Variants in LIPK observed in about 807,000 individuals in gnomAD.
The protein encoded by LIPK is lipase member K.
In LIPK, 32 loss-of-function variants were observed where a neutral mutation model predicts 48.6. The observed-to-expected ratio is 0.66, with a 90% CI of 0.50 to 0.88. The LOEUF is 0.88. Ranked by LOEUF, LIPK falls within the 40% of genes least tolerant of loss-of-function variation. LIPK has a pLI of 0.00. For synonymous variants in LIPK, 164 were observed against 157.4 expected (o/e 1.04, Z -0.32); for missense variants, 507 against 478.5 (o/e 1.06, Z -0.56).
intron 1 of LIPK, among the ~76,000 whole-genome samples, chr10:88,708,022 A>G (rs1381327191): frequency 6.6e-6 from 1 of 152,142 alleles, no homozygotes; most frequent in Non-Finnish European, 1.5e-5. Context: ...TAAAAAGGAA[A>G]AATGTGGCAG....
intron 9 of LIPK, among the ~76,000 whole-genome samples, chr10:88,746,040 TA>T (rs1237657646): frequency 5.9e-5 from 9 of 152,238 alleles, no homozygotes; most frequent in African/African-American, 2.2e-4. Flanking sequence ...AGAAGGACAT[TA>T]AATAAAGATA....
At chr10:88,737,599 C>A (rs1012427758) in intron 6 of LIPK, 36 bp from the exon 7 acceptor site, 9 of 1,608,060 alleles carry the variant, frequency 5.6e-6, no homozygotes, top group Non-Finnish European at 7.7e-6. Context: ...ATATCCACGC[C>A]TGTAAGATTT....
chr10:88,721,743 T>C (rs1842229042), intron 1 of LIPK, among the ~76,000 whole-genome samples: 2 of 152,198 alleles, frequency 1.3e-5, no homozygotes, highest in Admixed American at 1.3e-4. Flanking sequence ...CCAGGTTTAC[T>C]TACTGGTGAT....
At chr10:88,748,616 CAAAAA>C (rs56692405) in intron 9 of LIPK, among the ~76,000 whole-genome samples, 101 of 106,584 alleles carry the variant, frequency 9.5e-4, no homozygotes, top group East Asian at 2.7e-3. Flanking sequence ...GACTCCGTCT[CAAAAA>C]AAAAAAAAAA....
At chr10:88,719,711 G>A (rs1006076730) in intron 1 of LIPK, among the ~76,000 whole-genome samples, 5 of 152,148 alleles carry the variant, frequency 3.3e-5, no homozygotes, top group African/African-American at 1.2e-4. Context: ...TACGAATACA[G>A]TGAAGAATTA....
chr10:88,707,227 G>T (rs920700446), intron 1 of LIPK, among the ~76,000 whole-genome samples: 1 of 151,992 alleles, frequency 6.6e-6, no homozygotes, highest in Non-Finnish European at 1.5e-5. Context: ...GGCATACTTA[G>T]CACTTCAGGC....
intron 6 of LIPK, among the ~76,000 whole-genome samples, chr10:88,734,725 GATT>G (rs1368867128): frequency 6.6e-6 from 1 of 152,130 alleles, no homozygotes; most frequent in East Asian, 1.9e-4. Flanking sequence ...TGAGAAGAAT[GATT>G]ATGGGGTTAT....
chr10:88,739,948 G>T (rs772027748), intron 7 of LIPK, 48 bp from the exon 8 acceptor site: 45 of 1,125,452 alleles, frequency 4.0e-5, no homozygotes, highest in Middle Eastern at 3.9e-4. Context: ...GTTTACTTGT[G>T]GTATGATGAT....
chr10:88,750,017 A>T (rs1197581228), intron 9 of LIPK, among the ~76,000 whole-genome samples: 1 of 152,242 alleles, frequency 6.6e-6, no homozygotes, highest in East Asian at 1.9e-4. Context: ...AACACTTCTC[A>T]AAAGAAGACA....
intron 2 of LIPK, among the ~76,000 whole-genome samples, chr10:88,726,231 C>A (rs2134721374): frequency 6.6e-6 from 1 of 152,300 alleles, no homozygotes; most frequent in African/African-American, 2.4e-5. Flanking sequence ...GGCCAGCAGG[C>A]AAAACCAGAG....
intron 2 of LIPK, among the ~76,000 whole-genome samples, chr10:88,726,583 A>G (rs1302874595): frequency 6.6e-6 from 1 of 152,188 alleles, no homozygotes; most frequent in Non-Finnish European, 1.5e-5. Context: ...AGTTCCAGCT[A>G]CTTGGAAGAC....
intron 1 of LIPK, among the ~76,000 whole-genome samples, chr10:88,710,306 A>G (rs1041138815): frequency 2.6e-5 from 4 of 152,122 alleles, no homozygotes; most frequent in Non-Finnish European, 5.9e-5. Context: ...TAAAATGTGG[A>G]TGTTCTTTAA....
At chr10:88,722,889 C>CTTTCTTTTTT (rs554394843) in intron 1 of LIPK, among the ~76,000 whole-genome samples, 11 of 113,206 alleles carry the variant, frequency 9.7e-5, no homozygotes, top group African/African-American at 2.9e-4. Flanking sequence ...TTTCTTTTTT[C>CTTTCTTTTTT]TTTTTTTTTT....
At chr10:88,738,230 C>G (rs560241849) in intron 7 of LIPK, among the ~76,000 whole-genome samples, 1 of 152,194 alleles carries the variant, frequency 6.6e-6, no homozygotes, top group African/African-American at 2.4e-5. Context: ...TCTTCAACAA[C>G]AGCTACAAAT....
chr10:88,718,314 G>T (rs1040130787), intron 1 of LIPK, among the ~76,000 whole-genome samples: 2 of 147,900 alleles, frequency 1.4e-5, no homozygotes, highest in African/African-American at 4.9e-5. Context: ...TATATATATA[G>T]AAGGAAGCCA....
intron 8 of LIPK, 54 bp from the exon 9 acceptor site, chr10:88,743,196 C>A (rs1842710029): frequency 9.8e-6 from 12 of 1,230,448 alleles, no homozygotes; most frequent in Non-Finnish European, 1.4e-5. Context: ...TCTGTACTGT[C>A]TTTAAATGTA....
chr10:88,716,117 A>G (rs867506861), intron 1 of LIPK, among the ~76,000 whole-genome samples: 1 of 152,110 alleles, frequency 6.6e-6, no homozygotes. Flanking sequence ...TTCGACTCAT[A>G]AAGACTCAAA....
At chr10:88,732,062 C>T in intron 4 of LIPK, 116 bp from the exon 5 acceptor site, 2 of 640,780 alleles carry the variant, frequency 3.1e-6, no homozygotes, top group South Asian at 2.3e-5. Flanking sequence ...CATATATCGA[C>T]ACTAGTCTTA....
chr10:88,716,296 C>A (rs1275009197), intron 1 of LIPK, among the ~76,000 whole-genome samples: 3 of 150,284 alleles, frequency 2.0e-5, no homozygotes, highest in East Asian at 3.9e-4. Context: ...GAAAGAATAT[C>A]ACTATTTATT....
Sources: allele counts gnomAD v4.1 joint callset (sites outside exome capture counted in the v4.1 genomes callset), GRCh38; gene constraint gnomAD v4.1.1; transcripts MANE v1.5; gene names NCBI Gene and HGNC (gene_info 2026-07-23, HGNC 2026-07-21).